LYPLAL1: variants seen among roughly 807,000 people sequenced by gnomAD.
The protein encoded by LYPLAL1 is lysophospholipase-like protein 1.
In LYPLAL1, 23 loss-of-function variants were observed where a neutral mutation model predicts 19.7. The observed-to-expected ratio is 1.17, with a 90% CI of 0.84 to 1.65. LYPLAL1 has a LOEUF of 1.65. Ranked by LOEUF, LYPLAL1 falls within the 40% of genes most tolerant of loss-of-function variation. The pLI is 0.00. For synonymous variants in LYPLAL1, 119 were observed against 96.3 expected (o/e 1.24, Z -1.38); for missense variants, 355 against 279.4 (o/e 1.27, Z -1.93).
chr1:219,350,208 C>T, the LYPLAL1 span, among the ~76,000 whole-genome samples: 3 of 152,146 alleles, frequency 2.0e-5, no homozygotes, highest in Non-Finnish European at 4.4e-5. Flanking sequence ...CCATTCAGAT[C>T]GATGAAGCCA....
chr1:219,275,757 A>T, the LYPLAL1 span, among the ~76,000 whole-genome samples: 1 of 152,042 alleles, frequency 6.6e-6, no homozygotes, highest in Admixed American at 6.6e-5. Context: ...ATGTAAATAT[A>T]TTGTAAAATT....
the LYPLAL1 span, among the ~76,000 whole-genome samples, chr1:219,307,229 G>T: frequency 6.6e-6 from 1 of 152,032 alleles, no homozygotes; most frequent in Non-Finnish European, 1.5e-5. Context: ...TGCGTTTCCC[G>T]ACTGTCTTGC....
chr1:219,229,076 A>G, the LYPLAL1 span, among the ~76,000 whole-genome samples: 267 of 152,156 alleles, frequency 1.8e-3, 3 homozygotes, highest in Non-Finnish European at 3.1e-3. Context: ...AGTAAACTGA[A>G]AGACAGAAAG....
the LYPLAL1 span, among the ~76,000 whole-genome samples, chr1:219,377,210 A>G: frequency 6.6e-6 from 1 of 152,234 alleles, no homozygotes; most frequent in South Asian, 2.1e-4. Flanking sequence ...AGACATTATT[A>G]TGCTAAGTAA....
chr1:219,306,041 A>T, the LYPLAL1 span, among the ~76,000 whole-genome samples: 1 of 152,198 alleles, frequency 6.6e-6, no homozygotes, highest in South Asian at 2.1e-4. Flanking sequence ...CTCAGCTACT[A>T]CTAGCGTTTT....
the LYPLAL1 span, chr1:219,442,475 T>A: frequency 6.6e-6 from 1 of 152,176 alleles, no homozygotes; most frequent in Non-Finnish European, 1.5e-5. Flanking sequence ...AAATCCTCGA[T>A]CTTTGATCAG....
intron 3 of LYPLAL1, among the ~76,000 whole-genome samples, chr1:219,201,055 G>T (rs942706732): frequency 3.9e-5 from 6 of 152,112 alleles, no homozygotes; most frequent in Non-Finnish European, 8.8e-5. Flanking sequence ...TGTACCAGTT[G>T]ATACTTCCAA....
chr1:219,420,747 G>C, the LYPLAL1 span, among the ~76,000 whole-genome samples: 1 of 152,046 alleles, frequency 6.6e-6, no homozygotes, highest in African/African-American at 2.4e-5. Context: ...AGAAACAAAG[G>C]CATAATAATT....
the LYPLAL1 span, among the ~76,000 whole-genome samples, chr1:219,299,875 GCA>G: frequency 6.6e-6 from 1 of 152,038 alleles, no homozygotes; most frequent in African/African-American, 2.4e-5. Context: ...ACATATATAT[GCA>G]CACACACATA....
intron 1 of LYPLAL1, among the ~76,000 whole-genome samples, chr1:219,177,270 G>GT (rs1378933410): frequency 6.6e-6 from 1 of 152,124 alleles, no homozygotes; most frequent in Non-Finnish European, 1.5e-5. Flanking sequence ...TAGGGCAGGG[G>GT]TTGGCAAACT....
chr1:219,418,983 C>A, the LYPLAL1 span, among the ~76,000 whole-genome samples: 2 of 152,146 alleles, frequency 1.3e-5, no homozygotes, highest in Non-Finnish European at 1.5e-5. Flanking sequence ...GGCTTGATAG[C>A]TCATTTCCTT....
At chr1:219,403,027 G>T in the LYPLAL1 span, among the ~76,000 whole-genome samples, 1 of 152,068 alleles carries the variant, frequency 6.6e-6, no homozygotes, top group African/African-American at 2.4e-5. Flanking sequence ...GAATAAAGAG[G>T]GATTGAAATC....
chr1:219,328,661 A>G, the LYPLAL1 span, among the ~76,000 whole-genome samples: 19 of 152,194 alleles, frequency 1.2e-4, no homozygotes, highest in Middle Eastern at 3.2e-3. Context: ...CAATATCTAT[A>G]TAAATAAGCC....
chr1:219,209,665 G>A (rs544387950), intron 3 of LYPLAL1, among the ~76,000 whole-genome samples: 34 of 152,176 alleles, frequency 2.2e-4, no homozygotes, highest in Non-Finnish European at 1.3e-4. Context: ...ATTTTCTCAT[G>A]GAATATAATG....
chr1:219,288,562 A>G, the LYPLAL1 span, among the ~76,000 whole-genome samples: 11 of 152,206 alleles, frequency 7.2e-5, no homozygotes, highest in Non-Finnish European at 1.5e-5. Flanking sequence ...ACTCTGTATA[A>G]TGCTATATTG....
the LYPLAL1 span, chr1:219,223,333 A>G: frequency 3.3e-5 from 5 of 152,256 alleles, no homozygotes; most frequent in Admixed American, 3.3e-4. Context: ...AAACCATACA[A>G]TTTGATCAAC....
the LYPLAL1 span, among the ~76,000 whole-genome samples, chr1:219,267,480 C>T: frequency 6.6e-6 from 1 of 152,122 alleles, no homozygotes; most frequent in Non-Finnish European, 1.5e-5. Flanking sequence ...AAGAAAGATG[C>T]AAATATGGAC....
chr1:219,200,324 T>G (rs1657994845), intron 3 of LYPLAL1: 1 of 201,226 alleles, frequency 5.0e-6, no homozygotes, highest in Non-Finnish European at 1.1e-5. Context: ...TAGCAAAATT[T>G]TTATAGCCAT....
At chr1:219,226,889 A>C in the LYPLAL1 span, among the ~76,000 whole-genome samples, 1 of 152,216 alleles carries the variant, frequency 6.6e-6, no homozygotes, top group Admixed American at 6.5e-5. Flanking sequence ...TAGTCTCATT[A>C]AGTTTAAGTA....
Sources: gnomAD v4.1 joint callset for allele counts (sites outside exome capture counted in the v4.1 genomes callset) on GRCh38, gnomAD v4.1.1 for gene constraint, MANE v1.5 for transcripts, NCBI Gene and HGNC (gene_info 2026-07-23, HGNC 2026-07-21) for gene names.